AKAP11: variants seen among roughly 807,000 people sequenced by gnomAD.
AKAP11 encodes the protein A-kinase anchor protein 11.
A neutral mutation model predicts 146.1 loss-of-function variants in AKAP11; 36 were observed. The observed-to-expected ratio is 0.25, with a 90% confidence interval of 0.19 to 0.33. The LOEUF (loss-of-function observed/expected upper bound fraction) is 0.33. Ranked by LOEUF, AKAP11 falls within the 10% of genes least tolerant of loss-of-function variation. The pLI is 1.00. For missense variants in AKAP11, 2,201 were observed against 2,197.0 expected (o/e 1.00, Z -0.04); for synonymous variants, 780 against 786.5 (o/e 0.99, Z 0.14).
intron 1 of AKAP11, among the ~76,000 whole-genome samples, chr13:42,278,203 A>C (rs1402487562): frequency 6.6e-6 from 1 of 152,242 alleles, no homozygotes; most frequent in Non-Finnish European, 1.5e-5. Context: ...AATGAGGTTG[A>C]GGATTAAAAA....
Position 42,323,119 on chromosome 13 carries a change from A to AGTTTT in AKAP11, c.*3896_*3900dup, listed in dbSNP as rs1961154426. On this transcript the variant is annotated 3_prime_UTR_variant, in exon 13 of 13. Transcript: ENST00000025301. ...AAATACGAACTTTGAGATGCACTAA[A>AGTTTT]GTTTTGTTTCAGCAGTGGCTCAAAA... The AGTTTT allele has an allele frequency of 4.6e-5, 7 of 152,766 alleles. No individual in the cohort carries two copies. The allele number at this position is 152,766 out of a possible 1,614,324, so 9.5% of individuals were successfully genotyped here.
chr13:42,277,090 A>G (rs1157546272), intron 1 of AKAP11, among the ~76,000 whole-genome samples: 2 of 152,272 alleles, frequency 1.3e-5, no homozygotes, highest in Admixed American at 1.3e-4. Context: ...TCAATTACAT[A>G]GCATTTTAAT....
intron 7 of AKAP11, 50 bp downstream of exon 7, chr13:42,298,847 A>G (rs764149814): frequency 1.2e-5 from 19 of 1,522,540 alleles, no homozygotes; most frequent in Admixed American, 2.6e-5. Flanking sequence ...AAAATTTTTC[A>G]GTTTTGAAAA....
At chr13:42,280,816 A>G (rs1372693708) in intron 1 of AKAP11, among the ~76,000 whole-genome samples, 2 of 152,100 alleles carry the variant, frequency 1.3e-5, no homozygotes, top group Non-Finnish European at 2.9e-5. Flanking sequence ...CAGCTGGTGG[A>G]AGAGAGAGGG....
upstream of AKAP11, among the ~76,000 whole-genome samples, chr13:42,271,852 G>GGGGCTGCCCCGC (rs914218349): frequency 4.0e-5 from 6 of 151,510 alleles, no homozygotes; most frequent in African/African-American, 1.2e-4. Flanking sequence ...TGTGACCAGC[G>GGGGCTGCCCCGC]GGGCTGCCCC....
At chr13:42,272,974 A>AT (rs1248067839) in intron 1 of AKAP11, among the ~76,000 whole-genome samples, 12 of 152,056 alleles carry the variant, frequency 7.9e-5, no homozygotes, top group South Asian at 6.2e-4. Flanking sequence ...ACCAGCTTTC[A>AT]TTTTTTTTCT....
chr13:42,293,495 A>G (rs1959315303), intron 4 of AKAP11, among the ~76,000 whole-genome samples: 1 of 152,150 alleles, frequency 6.6e-6, no homozygotes, highest in East Asian at 1.9e-4. Context: ...TGTCAGCTTA[A>G]TTTCACTATT....
intron 8 of AKAP11, among the ~76,000 whole-genome samples, chr13:42,304,922 T>C (rs1960173528): frequency 1.3e-5 from 2 of 152,148 alleles, no homozygotes; most frequent in Non-Finnish European, 2.9e-5. Context: ...AGCTAATTTT[T>C]GTATTTTTAG....
In AKAP11 at chr13:42,300,318, A is replaced by G. The variant is rs1232171181; in HGVS notation, c.1572A>G (p.Lys524=). Residue 524 remains lysine, a synonymous_variant, in exon 8 of 13, where the codon AAA becomes AAG. Coordinates refer to ENST00000025301, the MANE Select transcript of AKAP11 (RefSeq NM_016248.4). ...NINSIKHGEN[K]TVTFKHGNLD... is the part of the protein sequence containing the mutation. ...ACAGTATTAAACATGGAGAAAATAA[A>G]ACTGTAACTTTTAAGCATGGAAACC... 2 of 1,611,562 alleles carry G rather than the reference A, an allele frequency of 1.2e-6. No homozygotes were observed. Among genetic ancestry groups the G allele is most frequent in the Admixed American group, 3.4e-5 (2 of 59,694 alleles).
intron 5 of AKAP11, among the ~76,000 whole-genome samples, chr13:42,296,449 A>G (rs1952728739): frequency 6.6e-6 from 1 of 152,186 alleles, no homozygotes; most frequent in Non-Finnish European, 1.5e-5. Flanking sequence ...AACCATGTTT[A>G]TAAAGGAAAG....
intron 3 of AKAP11, among the ~76,000 whole-genome samples, chr13:42,286,969 C>CT (rs1166059997): frequency 6.6e-6 from 1 of 152,182 alleles, no homozygotes; most frequent in Non-Finnish European, 1.5e-5. Flanking sequence ...AATTAACAGT[C>CT]TTTGTTATTT....
intron 3 of AKAP11, among the ~76,000 whole-genome samples, chr13:42,287,402 G>A (rs1959175763): frequency 6.6e-6 from 1 of 151,884 alleles, no homozygotes; most frequent in Admixed American, 6.6e-5. Flanking sequence ...TCCTGCCTCA[G>A]CCTCCCGAGT....
In AKAP11 at chr13:42,313,078, G is replaced by T. The variant is rs777451400; in HGVS notation, c.5305G>T (p.Gly1769Cys). Residue 1769 changes from glycine (G) to cysteine (C), a missense_variant, in exon 10 of 13, where the codon GGT (glycine) becomes TGT (cysteine). Transcript: ENST00000025301. Reference protein sequence around the residue: ...NGNSSSWSSLGLEGDLYEDNL... With the variant: ...NGNSSSWSSLCLEGDLYEDNL... ...TAACAGCAGTAGCTGGAGCAGTCTT[G>T]GTTTAGAAGGAGATTTGTATGAGGA... 3.1e-6 allele frequency: 5 copies of T among 1,613,418 alleles called. No homozygotes were observed. The highest frequency in any genetic ancestry group is 4.2e-6 in the Non-Finnish European group (5 of 1,179,768).
intron 1 of AKAP11, among the ~76,000 whole-genome samples, chr13:42,274,549 TG>T (rs1240276005): frequency 6.6e-6 from 1 of 152,152 alleles, no homozygotes; most frequent in Non-Finnish European, 1.5e-5. Flanking sequence ...CCACGTGTTA[TG>T]GCACATGCCT....
chr13:42,287,062 A>T (rs1386904446), intron 3 of AKAP11, among the ~76,000 whole-genome samples: 1 of 152,128 alleles, frequency 6.6e-6, no homozygotes, highest in Non-Finnish European at 1.5e-5. Context: ...TTTTCATTAT[A>T]GGTTTTTCTT....
At chr13:42,298,447 T>G in intron 6 of AKAP11, 86 bp from the exon 7 acceptor site, 23 of 1,400,022 alleles carry the variant, frequency 1.6e-5, no homozygotes, top group Non-Finnish European at 2.1e-5. Context: ...TTTTTTTCTC[T>G]GAGATTGTCT....
rs1319867944 is a variant in AKAP11, at chr13:42,319,805, AACATTAGTATTTT to A, written c.*579_*591del. On this transcript the variant is annotated 3_prime_UTR_variant, in exon 13 of 13. Coordinates refer to ENST00000025301, the MANE Select transcript of AKAP11 (RefSeq NM_016248.4). ...CCAAACTATTTAATTTCTTAGCAGA[AACATTAGTATTTT>A]AGGTTTCTATAAACACTATAAGTGA... 1.3e-5 allele frequency: 2 copies of A among 152,422 alleles called. No individual in the cohort carries two copies. Among genetic ancestry groups the A allele is most frequent in the Non-Finnish European group, 2.9e-5 (2 of 68,062 alleles). The allele number at this position is 152,422 out of a possible 1,614,324, so 9.4% of individuals were successfully genotyped here.
At chr13:42,273,241 T>G (rs1381626594) in intron 1 of AKAP11, among the ~76,000 whole-genome samples, 1 of 152,160 alleles carries the variant, frequency 6.6e-6, no homozygotes, top group African/African-American at 2.4e-5. Context: ...TATGGAGTAC[T>G]AAGAAAAAAT....
intron 1 of AKAP11, among the ~76,000 whole-genome samples, chr13:42,278,439 A>G (rs1410819390): frequency 2.0e-5 from 3 of 152,128 alleles, no homozygotes; most frequent in African/African-American, 7.2e-5. Context: ...CTGTTCACCT[A>G]TTAGGTATTA....
Sources: allele counts gnomAD v4.1 joint callset (sites outside exome capture counted in the v4.1 genomes callset), GRCh38; gene constraint gnomAD v4.1.1; transcripts MANE v1.5; gene names NCBI Gene and HGNC (gene_info 2026-07-23, HGNC 2026-07-21).